Variants in KIFAP3 observed in about 807,000 individuals in gnomAD.
KIFAP3 encodes the protein kinesin associated protein 3.
KIFAP3 carries 68 observed loss-of-function variants against 106.5 expected under a neutral mutation model. That is an observed-to-expected ratio of 0.64 (90% CI 0.53 to 0.78). KIFAP3 has a LOEUF of 0.78. Among genes scored for constraint, KIFAP3 ranks in the 30% least tolerant of loss-of-function variants. The pLI is 0.00. For synonymous variants in KIFAP3, 320 were observed against 311.5 expected (o/e 1.03, Z -0.29); for missense variants, 780 against 941.8 (o/e 0.83, Z 2.25).
chr1:170,066,694 A>C (rs1374327638), intron 1 of KIFAP3, among the ~76,000 whole-genome samples: 2 of 152,194 alleles, frequency 1.3e-5, no homozygotes, highest in East Asian at 3.8e-4. Context: ...ACTGGATTCT[A>C]GAGTGCACCA....
At chr1:169,986,457 A>G (rs1473626481) in intron 11 of KIFAP3, among the ~76,000 whole-genome samples, 1 of 151,930 alleles carries the variant, frequency 6.6e-6, no homozygotes, top group African/African-American at 2.4e-5. Flanking sequence ...CAGATCTTTA[A>G]CCACAAATAT....
At chr1:170,039,418 C>G (rs545883689) in intron 3 of KIFAP3, 130 bp from the exon 4 acceptor site, 134 of 559,008 alleles carry the variant, frequency 2.4e-4, no homozygotes, top group African/African-American at 2.3e-3. Flanking sequence ...ATGAAATAAT[C>G]TCTTCTCAAT....
At chr1:169,999,620 C>T (rs1282087764) in intron 10 of KIFAP3, among the ~76,000 whole-genome samples, 1 of 152,152 alleles carries the variant, frequency 6.6e-6, no homozygotes, top group Non-Finnish European at 1.5e-5. Context: ...TGGTAATAAA[C>T]ATGAATCATG....
At chr1:169,984,516 A>C in intron 12 of KIFAP3, 66 bp downstream of exon 12, 1 of 657,788 alleles carries the variant, frequency 1.5e-6, no homozygotes, top group Non-Finnish European at 2.7e-6. Context: ...AATTCCTTAT[A>C]TCTATTTTCC....
chr1:170,009,428 T>G (rs1439523515), intron 10 of KIFAP3, among the ~76,000 whole-genome samples: 3 of 152,056 alleles, frequency 2.0e-5, no homozygotes, highest in Admixed American at 1.3e-4. Flanking sequence ...TTATTATTAT[T>G]ATGTATGCAC....
At chr1:170,053,857 G>A (rs1038161904) in intron 2 of KIFAP3, among the ~76,000 whole-genome samples, 1 of 152,104 alleles carries the variant, frequency 6.6e-6, no homozygotes, top group Non-Finnish European at 1.5e-5. Context: ...ATGGATTAAA[G>A]ACTTAAATGT....
At chr1:170,021,422 G>A (rs1301204486) in intron 9 of KIFAP3, among the ~76,000 whole-genome samples, 1 of 143,056 alleles carries the variant, frequency 7.0e-6, no homozygotes, top group African/African-American at 2.6e-5. Flanking sequence ...AACTTGGAGA[G>A]TTTGTTATTA....
chr1:169,996,855 A>G (rs1667394315), intron 10 of KIFAP3, among the ~76,000 whole-genome samples: 1 of 152,168 alleles, frequency 6.6e-6, no homozygotes, highest in South Asian at 2.1e-4. Context: ...ATGCAATCAG[A>G]TATTTCTCAG....
intron 9 of KIFAP3, among the ~76,000 whole-genome samples, chr1:170,017,011 C>T (rs1668555235): frequency 6.6e-6 from 1 of 152,166 alleles, no homozygotes; most frequent in Non-Finnish European, 1.5e-5. Context: ...GTAATCCCAA[C>T]ACTTTGGGAG....
chr1:170,031,804 A>G (rs111720512), intron 8 of KIFAP3, 82 bp downstream of exon 8: 36 of 836,546 alleles, frequency 4.3e-5, no homozygotes, highest in Middle Eastern at 2.3e-4. Context: ...CATTAGCTTT[A>G]CAGGTATGAT....
chr1:170,067,813 G>C (rs1671519999), intron 1 of KIFAP3: 1 of 152,226 alleles, frequency 6.6e-6, no homozygotes, highest in Non-Finnish European at 1.5e-5. Context: ...AACACAAGCT[G>C]AAAGCCCAAG....
upstream of KIFAP3, among the ~76,000 whole-genome samples, chr1:170,077,848 A>G (rs553804788): frequency 1.2e-4 from 18 of 151,188 alleles, no homozygotes; most frequent in African/African-American, 3.6e-4. Flanking sequence ...ATTTAGCACA[A>G]TGCATTTGAA....
chr1:170,077,090 T>C (rs549651941), upstream of KIFAP3, among the ~76,000 whole-genome samples: 1 of 152,114 alleles, frequency 6.6e-6, no homozygotes, highest in Non-Finnish European at 1.5e-5. Context: ...TAGTGCTCTG[T>C]GTCTAGCTAA....
At chr1:169,964,648 G>A (rs961492795) in intron 17 of KIFAP3, among the ~76,000 whole-genome samples, 1 of 152,100 alleles carries the variant, frequency 6.6e-6, no homozygotes, top group Non-Finnish European at 1.5e-5. Context: ...ACTTGGGTGG[G>A]TATTGGGAAA....
intron 11 of KIFAP3, among the ~76,000 whole-genome samples, chr1:169,989,673 C>T (rs1027564021): frequency 1.3e-5 from 2 of 151,984 alleles, no homozygotes; most frequent in Admixed American, 1.3e-4. Context: ...ATAAGATATG[C>T]TGTATATTCT....
intron 19 of KIFAP3, among the ~76,000 whole-genome samples, chr1:169,946,981 C>A (rs929860233): frequency 6.6e-6 from 1 of 151,864 alleles, no homozygotes; most frequent in African/African-American, 2.4e-5. Flanking sequence ...ATAGCTATTG[C>A]ACTCTTGTTC....
chr1:170,067,370 A>C lies in KIFAP3; in HGVS notation c.32+7066T>G, dbSNP rs1438679775. Reference sequence around the variant, plus strand: ...TCCCCAGAAGCACTAAAAACTTGGCAAAAAAAACCTATCACAATCAACCTC... The same window carrying C: ...TCCCCAGAAGCACTAAAAACTTGGCCAAAAAAACCTATCACAATCAACCTC... On this transcript the variant is annotated intron_variant, in intron 1 of 19. Transcript: ENST00000361580. The C allele has an allele frequency of 3.3e-5, 5 of 152,126 alleles. 1 individual carries two copies. The highest frequency in any genetic ancestry group is 2.0e-4 in the Admixed American group (3 of 15,250). The allele number at this position is 152,126 out of a possible 1,614,324, so 9.4% of individuals were successfully genotyped here. A position where few individuals can be genotyped will look rare whatever the true frequency, so the allele number is the denominator to read the frequency against.
intron 17 of KIFAP3, among the ~76,000 whole-genome samples, chr1:169,962,916 T>C (rs1159904277): frequency 6.6e-6 from 1 of 152,204 alleles, no homozygotes; most frequent in Non-Finnish European, 1.5e-5. Flanking sequence ...ATAGTAATGC[T>C]AGTGACAATT....
At chr1:169,940,911 A>ATGTGTGTGTGTG (rs3838394) in intron 19 of KIFAP3, among the ~76,000 whole-genome samples, 2 of 148,024 alleles carry the variant, frequency 1.4e-5, no homozygotes, top group African/African-American at 5.0e-5. Context: ...TTTAAGAATT[A>ATGTGTGTGTGTG]TGTGTGTGTG....
Sources: gnomAD v4.1 joint callset for allele counts (sites outside exome capture counted in the v4.1 genomes callset) on GRCh38, gnomAD v4.1.1 for gene constraint, MANE v1.5 for transcripts, NCBI Gene and HGNC (gene_info 2026-07-23, HGNC 2026-07-21) for gene names.